Variants in FLG observed in about 807,000 individuals in gnomAD.
FLG encodes epidermal filaggrin.
FLG carries 6 observed loss-of-function variants against 3.8 expected under a neutral mutation model. The observed-to-expected ratio is 1.60, with a 90% CI of 0.87 to 3.15. FLG has a LOEUF of 3.15. Ranked by LOEUF, FLG falls within the 30% of genes most tolerant of loss-of-function variation. The probability of loss-of-function intolerance (pLI) is 0.00; values close to 1 mark genes in which losing one functional copy is unlikely to be tolerated. For missense variants in FLG, 7,595 were observed against 5,050.9 expected, an observed-to-expected ratio of 1.50 and a Z score of -15.27; for synonymous variants, 2,551 against 1,931.6, an observed-to-expected ratio of 1.32 and a Z score of -8.41.
At chr1:152,320,449 G>T (rs1337691762) in intron 1 of FLG, among the ~76,000 whole-genome samples, 2 of 150,118 alleles carry the variant, frequency 1.3e-5, no homozygotes, top group African/African-American at 4.9e-5. Context: ...AACACTAAAA[G>T]AAAGCTGTTA....
Position 152,302,329 on chromosome 1 carries a change from G to C in FLG, c.*371C>G. ...TATAGCCACTTTGGTATACAGAACT[G>C]TTTTATATTTTTGGCTCCTTCGATA... On this transcript the variant is annotated 3_prime_UTR_variant, in exon 3 of 3. Coordinates refer to ENST00000368799, the MANE Select transcript of FLG (RefSeq NM_002016.2). 1 of 279,852 alleles carries C rather than the reference G, an allele frequency of 3.6e-6. No individual in the cohort carries two copies. The highest frequency in any genetic ancestry group is 6.8e-6 in the Non-Finnish European group (1 of 147,974). The allele number at this position is 279,852 out of a possible 1,614,324, so 17.3% of individuals were successfully genotyped here.
chr1:152,312,352 G>T lies in FLG; in HGVS notation c.2534C>A (p.Pro845Gln). The T allele has an allele frequency of 2.5e-6, 4 of 1,611,870 alleles. No homozygotes were observed. The highest frequency in any genetic ancestry group is 8.5e-7 in the Non-Finnish European group (1 of 1,179,416). Residue 845 changes from proline (P) to glutamine (Q), a missense_variant, in exon 3 of 3, where the codon CCG (proline) becomes CAG (glutamine). Transcript: ENST00000368799. ...QDGQDTIRGH[P>Q]GSSRRGRQGS... ...CTGCCTTCCTCTTCTGCTTGACCCC[G>T]GGTGTCCACGAATGGTGTCCTGACC...
rs2338554 is a variant in FLG, at chr1:152,308,283, A to G, written c.6603T>C (p.Asp2201=). Reference sequence around the variant, plus strand: ...GATGCGACCCTGAGTGCCTAGAGCCATCTCCTGATTGTTCCTTGTCATATG... The same window carrying G: ...GATGCGACCCTGAGTGCCTAGAGCCGTCTCCTGATTGTTCCTTGTCATATG... ...RKTYDKEQSG[D]GSRHSGSHHH... The change falls in exon 3 of 3, where the codon GAT becomes GAC. Residue 2201 remains aspartate, a synonymous_variant. Coordinates refer to ENST00000368799, the MANE Select transcript of FLG (RefSeq NM_002016.2). 286,278 of 1,574,598 alleles carry G rather than the reference A, an allele frequency of 0.18. 4,691 individuals carry two copies. The highest frequency in any genetic ancestry group is 0.42 in the African/African-American group (30,532 of 72,666).
chr1:152,308,493 G>C lies in FLG; in HGVS notation c.6393C>G (p.Ser2131=), dbSNP rs775939884. The stretch of plus-strand genomic sequence containing the variant: ...CACGAATGGTGTCCTGACCCTCTTG[G>C]GATGCTGAGTGCCTGGAGCTGTCTT... ...QAQDSSRHSA[S]QEGQDTIRGH... is the part of the protein sequence containing the mutation. The change falls in exon 3 of 3, where the codon TCC becomes TCG. Residue 2131 remains serine, a synonymous_variant. Coordinates refer to ENST00000368799, the MANE Select transcript of FLG (RefSeq NM_002016.2). The C allele has an allele frequency of 7.4e-6, 12 of 1,613,272 alleles. No individual in the cohort carries two copies. The South Asian group carries it at 1.2e-4, about 16-fold the overall frequency.
In FLG at chr1:152,305,056, C is replaced by G. The variant is rs550176166; in HGVS notation, c.9830G>C (p.Arg3277Pro). The G allele has an allele frequency of 2.4e-5, 38 of 1,613,678 alleles. No homozygotes were observed. Among genetic ancestry groups the G allele is most frequent in the East Asian group, 1.8e-4 (8 of 44,836 alleles). ...TCCACCAGAGGAAGTCTCTGCGTGA[C>G]GAGTGCCTGATTGTCTGGAGCGGTC... ...SADRSRQSGTRHAETSSGGQA... is the reference protein window; with the variant it reads ...SADRSRQSGTPHAETSSGGQA... Residue 3277 changes from arginine (R) to proline (P), a missense_variant, in exon 3 of 3, where the codon CGT (arginine) becomes CCT (proline). Transcript: ENST00000368799.
Position 152,308,284 on chromosome 1 carries a change from TCTC to T in FLG, c.6599_6601del (p.Gly2200del), listed in dbSNP as rs767059614. The T allele has an allele frequency of 6.2e-7, 1 of 1,613,438 alleles. No homozygotes were observed. The stretch of plus-strand genomic sequence containing the variant: ...ATGCGACCCTGAGTGCCTAGAGCCA[TCTC>T]CTGATTGTTCCTTGTCATATGTTTT... On this transcript the variant is annotated inframe_deletion, in exon 3 of 3. Transcript: ENST00000368799.
Position 152,312,276 on chromosome 1 carries a change from A to G in FLG, c.2610T>C (p.His870=), listed in dbSNP as rs770743918. The G allele has an allele frequency of 1.9e-6, 3 of 1,613,560 alleles. No homozygotes were observed. Among genetic ancestry groups the G allele is most frequent in the African/African-American group, 1.3e-5 (1 of 74,764 alleles). ...TTCCCTGGGATGTGGTGTGGCTGTGATGGGACCCTGAGTGTCCAGACCTAT... is the reference window on the plus strand; with the variant it reads ...TTCCCTGGGATGTGGTGTGGCTGTGGTGGGACCCTGAGTGTCCAGACCTAT... ...SVDRSGHSGS[H]HSHTTSQGRS... The change falls in exon 3 of 3, where the codon CAT becomes CAC. Residue 870 remains histidine (H), a synonymous_variant. Coordinates refer to ENST00000368799, the MANE Select transcript of FLG (RefSeq NM_002016.2).
Position 152,315,363 on chromosome 1 carries a change from C to A in FLG, c.94G>T (p.Glu32Ter), listed in dbSNP as rs114733570. 2.8e-4 allele frequency: 444 copies of A among 1,613,286 alleles called. No homozygotes were observed. Among genetic ancestry groups the A allele is most frequent in the Non-Finnish European group, 3.7e-4 (431 of 1,179,572 alleles). ...DKNTDTLSKK[E>*]LKELLEKEFR... Reference sequence around the variant, plus strand: ...TCCTTTTCCAGAAGTTCCTTCAGCTCTTTTTTACTCAATGTGTCAGTGTTT... The same window carrying A: ...TCCTTTTCCAGAAGTTCCTTCAGCTATTTTTTACTCAATGTGTCAGTGTTT... The change falls in exon 2 of 3, where the codon GAG becomes TAG. Residue 32 changes from glutamate to a stop codon, truncating the protein, a stop_gained. Coordinates refer to ENST00000368799, the MANE Select transcript of FLG (RefSeq NM_002016.2). LOFTEE classifies it low-confidence loss of function (END_TRUNC).
At position 152,312,280 on chromosome 1, in the gene FLG, G is replaced by T; in HGVS notation, c.2606C>A (p.Ser869Tyr). Reference sequence around the variant, plus strand: ...CTGGGATGTGGTGTGGCTGTGATGGGACCCTGAGTGTCCAGACCTATCTAC... The same window carrying T: ...CTGGGATGTGGTGTGGCTGTGATGGTACCCTGAGTGTCCAGACCTATCTAC... Reference protein sequence around the residue: ...QSVDRSGHSGSHHSHTTSQGR... With the variant: ...QSVDRSGHSGYHHSHTTSQGR... Residue 869 changes from serine (S) to tyrosine (Y), a missense_variant, in exon 3 of 3, where the codon TCC becomes TAC. Transcript: ENST00000368799. The T allele has an allele frequency of 1.9e-6, 3 of 1,613,776 alleles. No homozygotes were observed. Among genetic ancestry groups the T allele is most frequent in the Non-Finnish European group, 2.5e-6 (3 of 1,179,964 alleles).
chr1:152,321,106 A>G (rs1318859486), intron 1 of FLG, among the ~76,000 whole-genome samples: 1 of 150,886 alleles, frequency 6.6e-6, no homozygotes, highest in African/African-American at 2.4e-5. Context: ...ATATATATGT[A>G]TATAAACACA....
intron 1 of FLG, among the ~76,000 whole-genome samples, chr1:152,322,557 T>C (rs1231670887): frequency 6.6e-6 from 1 of 150,536 alleles, no homozygotes; most frequent in Non-Finnish European, 1.5e-5. Flanking sequence ...TAATTAAAGA[T>C]ATGAAATGGC....
rs199803380 is a variant in FLG at position 152,312,756 on chromosome 1, G to A, written c.2130C>T (p.Ser710=). 3.1e-6 allele frequency: 5 copies of A among 1,613,952 alleles called. No individual in the cohort carries two copies. Among genetic ancestry groups the A allele is most frequent in the African/African-American group, 1.3e-5 (1 of 74,904 alleles). ...ARSSAGERHG[S]RHQLQSADSS... is the part of the protein sequence containing the mutation. ...TGTCTGCTGACTGGAGCTGGTGGCG[G>A]GATCCATGTCTTTCTCCTGCACTTG... Residue 710 remains serine (S), a synonymous_variant, in exon 3 of 3, where the codon TCC becomes TCT. Coordinates refer to ENST00000368799, the MANE Select transcript of FLG (RefSeq NM_002016.2).
intron 1 of FLG, among the ~76,000 whole-genome samples, chr1:152,318,440 A>G (rs561583079): frequency 6.6e-6 from 1 of 151,960 alleles, no homozygotes; most frequent in South Asian, 2.1e-4. Flanking sequence ...GGATCTCATG[A>G]CACCATATTC....
chr1:152,303,722 A>C lies in FLG; in HGVS notation c.11164T>G (p.Ser3722Ala). Residue 3722 changes from serine (S) to alanine (A), a missense_variant, in exon 3 of 3, where the codon TCT becomes GCT. Transcript: ENST00000368799. The part of the protein sequence containing the change: ...YQVSTHEQSE[S>A]AHGRAGPSTG... The stretch of plus-strand genomic sequence containing the variant: ...CTGGGCCCAGCCCGTCCATGGGCAG[A>C]CTCAGACTGTTCATGAGTGCTCACC... The C allele has an allele frequency of 6.2e-7, 1 of 1,613,756 alleles. No individual in the cohort carries two copies. Among genetic ancestry groups the C allele is most frequent in the Admixed American group, 1.7e-5 (1 of 59,980 alleles).
rs767261854 is a variant in FLG at position 152,307,322 on chromosome 1, G to A, written c.7564C>T (p.Gln2522Ter). 9 of 1,613,470 alleles carry A rather than the reference G, an allele frequency of 5.6e-6. No individual in the cohort carries two copies. The highest frequency in any genetic ancestry group is 2.7e-5 in the African/African-American group (2 of 74,680). Residue 2522 changes from glutamine to a stop codon, truncating the protein, a stop_gained, in exon 3 of 3, where the codon CAA becomes TAA. Transcript: ENST00000368799. LOFTEE classifies it low-confidence loss of function (END_TRUNC). ...GAGTGCCTGGAGCCGTCTCCTGATT[G>A]TTCATCGTTACGAGTTTGTCTGCTT... ...SASRQTRNDE[Q>*]SGDGSRHSGS...
chr1:152,322,095 A>ATCTGG (rs1557885528), intron 1 of FLG, among the ~76,000 whole-genome samples: 3 of 151,286 alleles, frequency 2.0e-5, no homozygotes, highest in African/African-American at 7.2e-5. Flanking sequence ...AATTCTGATT[A>ATCTGG]ATAAATAAAA....
chr1:152,310,585 C>A lies in FLG; in HGVS notation c.4301G>T (p.Ser1434Ile), dbSNP rs778425884. ...KESARGQSGE[S>I]SGRSRSFLYQ... ...GAGGAAAGACCTTGAACGTCCAGAG[C>A]TTTCCCCTGACTGGCCACGTGCGGA... is the stretch of plus-strand genomic sequence containing the variant. The change falls in exon 3 of 3, where the codon AGC (serine) becomes ATC (isoleucine). Residue 1434 changes from serine to isoleucine, a missense_variant. By Grantham distance (142) the Ser-to-Ile change is moderately radical. Transcript: ENST00000368799. The A allele has an allele frequency of 8.1e-6, 13 of 1,613,874 alleles. No homozygotes were observed. The Middle Eastern group carries it at 9.9e-4, about 122-fold the overall frequency.
intron 1 of FLG, among the ~76,000 whole-genome samples, chr1:152,318,247 C>T (rs1302740818): frequency 5.3e-5 from 8 of 151,838 alleles, no homozygotes; most frequent in Non-Finnish European, 1.0e-4. Flanking sequence ...TTTTAACCTG[C>T]TTCTCTCAAT....
intron 2 of FLG, 91 bp downstream of exon 2, chr1:152,315,228 A>G (rs1474081729): frequency 7.3e-6 from 9 of 1,230,452 alleles, no homozygotes; most frequent in Non-Finnish European, 1.1e-5. Flanking sequence ...TTTTAAGAGA[A>G]ATAGTTCACA....
Sources: gnomAD v4.1 joint callset for allele counts (sites outside exome capture counted in the v4.1 genomes callset) on GRCh38, gnomAD v4.1.1 for gene constraint, MANE v1.5 for transcripts, NCBI Gene and HGNC (gene_info 2026-07-23, HGNC 2026-07-21) for gene names.